GNA14: variants seen among roughly 807,000 people sequenced by gnomAD.
The protein encoded by GNA14 is guanine nucleotide-binding protein subunit alpha-14.
GNA14 carries 50 observed loss-of-function variants against 42.0 expected under a neutral mutation model. That is an observed-to-expected ratio of 1.19 (90% CI 0.95 to 1.51). The LOEUF is 1.51. Among genes scored for constraint, GNA14 ranks in the 40% most tolerant of loss-of-function variants. The pLI is 0.00. For missense variants in GNA14, 473 were observed against 446.2 expected (o/e 1.06, Z -0.54); for synonymous variants, 173 against 163.1 (o/e 1.06, Z -0.46).
intron 1 of GNA14, among the ~76,000 whole-genome samples, chr9:77,603,956 C>CAAAAAAAAAA (rs67044542): frequency 9.6e-4 from 78 of 81,596 alleles, no homozygotes; most frequent in Admixed American, 1.3e-3. Flanking sequence ...AAAAAAAAAA[C>CAAAAAAAAAA]AAAAAAAAAA....
chr9:77,519,304 G>A (rs1034221211), intron 2 of GNA14, among the ~76,000 whole-genome samples: 2 of 152,046 alleles, frequency 1.3e-5, no homozygotes, highest in Non-Finnish European at 1.5e-5. Flanking sequence ...CCAGCTATTC[G>A]GGAGGCTGAG....
chr9:77,553,235 C>T (rs1282795982), intron 1 of GNA14, among the ~76,000 whole-genome samples: 1 of 152,092 alleles, frequency 6.6e-6, no homozygotes, highest in Non-Finnish European at 1.5e-5. Context: ...TCCTTAGTAC[C>T]TCTCCCTAAG....
At chr9:77,637,796 G>A (rs1347992277) in intron 1 of GNA14, among the ~76,000 whole-genome samples, 3 of 152,182 alleles carry the variant, frequency 2.0e-5, no homozygotes, top group Non-Finnish European at 2.9e-5. Context: ...CAAGGCTTTA[G>A]TAAACCATGA....
intron 1 of GNA14, among the ~76,000 whole-genome samples, chr9:77,561,488 T>C (rs1822882772): frequency 6.6e-6 from 1 of 152,236 alleles, no homozygotes; most frequent in South Asian, 2.1e-4. Flanking sequence ...ATAAGCACAA[T>C]GTGGTATATA....
intron 2 of GNA14, among the ~76,000 whole-genome samples, 200 bp downstream of exon 2, chr9:77,528,869 C>T (rs1355164561): frequency 1.3e-5 from 2 of 152,134 alleles, no homozygotes; most frequent in African/African-American, 2.4e-5. Flanking sequence ...GGTAGCCTCA[C>T]GCTACCACCA....
intron 1 of GNA14, among the ~76,000 whole-genome samples, chr9:77,597,563 G>A (rs1018748034): frequency 3.3e-5 from 5 of 151,720 alleles, no homozygotes; most frequent in African/African-American, 1.2e-4. Flanking sequence ...TAAAATATCG[G>A]TCTTGCCTAT....
intron 1 of GNA14, among the ~76,000 whole-genome samples, chr9:77,537,329 G>A (rs187437093): frequency 2.0e-5 from 3 of 152,238 alleles, no homozygotes; most frequent in Non-Finnish European, 4.4e-5. Flanking sequence ...AGAACATGCA[G>A]TACCTGCCTT....
chr9:77,497,844 G>A (rs1564032131), intron 2 of GNA14, among the ~76,000 whole-genome samples: 1 of 151,408 alleles, frequency 6.6e-6, no homozygotes, highest in African/African-American at 2.5e-5. Context: ...GCTACCAGGT[G>A]TAATTCTCAT....
At chr9:77,506,022 G>C (rs1038090082) in intron 2 of GNA14, among the ~76,000 whole-genome samples, 3 of 152,030 alleles carry the variant, frequency 2.0e-5, no homozygotes, top group Non-Finnish European at 4.4e-5. Flanking sequence ...TCAGCACTTT[G>C]GAAGGCCGAG....
At chr9:77,434,340 G>C in intron 3 of GNA14, 28 bp downstream of exon 3, 1 of 1,587,672 alleles carries the variant, frequency 6.3e-7, no homozygotes, top group Non-Finnish European at 8.6e-7. Flanking sequence ...AAAGCACCGC[G>C]GGCGGCCAGG....
chr9:77,464,351 A>ATGTGTGTGTGTGTG (rs35743834), intron 2 of GNA14, among the ~76,000 whole-genome samples: 1 of 144,706 alleles, frequency 6.9e-6, no homozygotes, highest in African/African-American at 2.6e-5. Context: ...GTGTGTGTAT[A>ATGTGTGTGTGTGTG]TGTGTGTGTG....
intron 1 of GNA14, among the ~76,000 whole-genome samples, chr9:77,575,207 C>T (rs1344836179): frequency 6.6e-6 from 1 of 152,138 alleles, no homozygotes; most frequent in African/African-American, 2.4e-5. Flanking sequence ...TCAATTTCAA[C>T]TCCAATGTCA....
intron 2 of GNA14, among the ~76,000 whole-genome samples, chr9:77,472,725 G>A (rs190448661): frequency 7.7e-4 from 117 of 152,056 alleles, no homozygotes; most frequent in African/African-American, 2.6e-3. Context: ...TTTAGATGAA[G>A]TCATGAGAGT....
At chr9:77,590,702 C>T (rs781728008) in intron 1 of GNA14, among the ~76,000 whole-genome samples, 3 of 150,026 alleles carry the variant, frequency 2.0e-5, no homozygotes, top group Non-Finnish European at 4.4e-5. Context: ...ATACTTAGGT[C>T]ACACATTAAA....
At chr9:77,598,805 T>G (rs560347813) in intron 1 of GNA14, among the ~76,000 whole-genome samples, 44 of 152,306 alleles carry the variant, frequency 2.9e-4, no homozygotes, top group African/African-American at 1.1e-3. Flanking sequence ...TCCAATCAGC[T>G]GCTTTAAAGA....
At chr9:77,515,426 C>A (rs1263005276) in intron 2 of GNA14, among the ~76,000 whole-genome samples, 4 of 152,154 alleles carry the variant, frequency 2.6e-5, no homozygotes, top group African/African-American at 9.7e-5. Context: ...AATGAGCATG[C>A]GGCAGAGCCG....
At chr9:77,642,722 T>A (rs1298822091) in intron 1 of GNA14, among the ~76,000 whole-genome samples, 1 of 152,150 alleles carries the variant, frequency 6.6e-6, no homozygotes, top group Non-Finnish European at 1.5e-5. Flanking sequence ...TGAGCCATGA[T>A]CGTGCCATTA....
At chr9:77,465,246 G>GT (rs1836202484) in intron 2 of GNA14, among the ~76,000 whole-genome samples, 1 of 152,180 alleles carries the variant, frequency 6.6e-6, no homozygotes, top group Non-Finnish European at 1.5e-5. Flanking sequence ...TATTCTGGAT[G>GT]TTTTCTATGT....
At chr9:77,467,144 C>T (rs1213581036) in intron 2 of GNA14, among the ~76,000 whole-genome samples, 1 of 151,818 alleles carries the variant, frequency 6.6e-6, no homozygotes. Context: ...TTTCTGGGCA[C>T]TCCTGAGGGG....
Sources: gnomAD v4.1 joint callset for allele counts (sites outside exome capture counted in the v4.1 genomes callset) on GRCh38, gnomAD v4.1.1 for gene constraint, MANE v1.5 for transcripts, NCBI Gene and HGNC (gene_info 2026-07-23, HGNC 2026-07-21) for gene names.